Variants in EEIG2 observed in about 807,000 individuals in gnomAD.
EEIG2 encodes family with sequence similarity 102 member B.
At chr1:108,571,833 C>T in the EEIG2 span, among the ~76,000 whole-genome samples, 1 of 152,162 alleles carries the variant, frequency 6.6e-6, no homozygotes, top group Admixed American at 6.5e-5. Context: ...CAAACTTAAT[C>T]TTCATCCTCA....
At chr1:108,579,772 T>TGTGTGTGAGA in the EEIG2 span, among the ~76,000 whole-genome samples, 5 of 58,872 alleles carry the variant, frequency 8.5e-5, no homozygotes, top group African/African-American at 2.0e-4. Context: ...TGTGTGTGTG[T>TGTGTGTGAGA]GAGAGAGAGA....
At chr1:108,594,091 G>C in the EEIG2 span, among the ~76,000 whole-genome samples, 1 of 152,042 alleles carries the variant, frequency 6.6e-6, no homozygotes, top group African/African-American at 2.4e-5. Context: ...TACAAGCATT[G>C]AGCCACCGTG....
the EEIG2 span, among the ~76,000 whole-genome samples, chr1:108,569,532 C>T: frequency 6.6e-6 from 1 of 152,112 alleles, no homozygotes; most frequent in African/African-American, 2.4e-5. Context: ...TGCTATGTTG[C>T]CCAGGCTGGT....
At chr1:108,561,121 A>G in the EEIG2 span, among the ~76,000 whole-genome samples, 1 of 152,106 alleles carries the variant, frequency 6.6e-6, no homozygotes, top group Non-Finnish European at 1.5e-5. Flanking sequence ...CTAATGCTGG[A>G]TGAATTAGTC....
the EEIG2 span, among the ~76,000 whole-genome samples, chr1:108,572,976 T>G: frequency 6.6e-6 from 1 of 152,254 alleles, no homozygotes; most frequent in Non-Finnish European, 1.5e-5. Flanking sequence ...AGTAATTATC[T>G]GGATATACTA....
the EEIG2 span, among the ~76,000 whole-genome samples, chr1:108,579,761 G>A: frequency 6.9e-5 from 7 of 100,928 alleles, no homozygotes. Flanking sequence ...GTGTGTGTGT[G>A]TGTGTGTGTG....
the EEIG2 span, among the ~76,000 whole-genome samples, chr1:108,575,815 G>A: frequency 6.6e-6 from 1 of 152,216 alleles, no homozygotes; most frequent in African/African-American, 2.4e-5. Flanking sequence ...AGGGATTGGA[G>A]AGAAATGGGC....
chr1:108,590,020 C>A, the EEIG2 span, among the ~76,000 whole-genome samples: 1 of 151,982 alleles, frequency 6.6e-6, no homozygotes, highest in African/African-American at 2.4e-5. Context: ...TATCTGTCTG[C>A]CTCCTAGACA....
the EEIG2 span, among the ~76,000 whole-genome samples, chr1:108,570,907 G>A: frequency 6.6e-6 from 1 of 152,202 alleles, no homozygotes; most frequent in Non-Finnish European, 1.5e-5. Flanking sequence ...GAAAGATGCT[G>A]TGCAGAATTA....
the EEIG2 span, among the ~76,000 whole-genome samples, chr1:108,565,158 T>C: frequency 6.6e-6 from 1 of 152,194 alleles, no homozygotes; most frequent in Non-Finnish European, 1.5e-5. Context: ...TGTACGATTA[T>C]GGTGGTCTAT....
At chr1:108,635,190 T>A in the EEIG2 span, 2 of 1,610,836 alleles carry the variant, frequency 1.2e-6, no homozygotes, top group Non-Finnish European at 1.7e-6. Context: ...GGATTTAAGA[T>A]GTGAGTAGTT....
the EEIG2 span, among the ~76,000 whole-genome samples, chr1:108,570,249 C>A: frequency 2.0e-5 from 3 of 152,060 alleles, no homozygotes; most frequent in African/African-American, 7.2e-5. Flanking sequence ...ATAAAGGGAA[C>A]AGAAGACACA....
chr1:108,560,638 T>C, the EEIG2 span: 1 of 1,527,902 alleles, frequency 6.5e-7, no homozygotes, highest in Non-Finnish European at 8.8e-7. Flanking sequence ...CATCTCTCCT[T>C]GGCCCATTTG....
the EEIG2 span, among the ~76,000 whole-genome samples, chr1:108,586,003 C>T: frequency 6.6e-6 from 1 of 152,034 alleles, no homozygotes; most frequent in African/African-American, 2.4e-5. Context: ...TTATAGAGTT[C>T]CTTTTTGATA....
At chr1:108,560,104 GGGCGGCAGCGGCGGCGGAGGCGGC>G in the EEIG2 span, 1 of 175,938 alleles carries the variant, frequency 5.7e-6, no homozygotes, top group South Asian at 1.4e-4. Context: ...ACTCCCAGAC[GGGCGGCAGCGGCGGCGGAGGCGGC>G]GGCGGCGGCG....
chr1:108,563,523 C>A, the EEIG2 span, among the ~76,000 whole-genome samples: 1 of 152,098 alleles, frequency 6.6e-6, no homozygotes, highest in African/African-American at 2.4e-5. Flanking sequence ...TAATACTCAT[C>A]TTGCTACAGA....
the EEIG2 span, chr1:108,636,293 A>T: frequency 6.6e-6 from 1 of 152,340 alleles, no homozygotes; most frequent in East Asian, 1.9e-4. Context: ...TTCTGTTCTT[A>T]CATGACGGTT....
At chr1:108,579,772 T>TGTGTGTGTGAGAGAGAGAGA in the EEIG2 span, among the ~76,000 whole-genome samples, 25 of 58,866 alleles carry the variant, frequency 4.2e-4, no homozygotes, top group African/African-American at 1.4e-3. Flanking sequence ...TGTGTGTGTG[T>TGTGTGTGTGAGAGAGAGAGA]GAGAGAGAGA....
the EEIG2 span, among the ~76,000 whole-genome samples, chr1:108,595,550 GGAGGGAGA>G: frequency 7.3e-5 from 10 of 137,450 alleles, no homozygotes; most frequent in Admixed American, 2.2e-4. Context: ...TAGCTTTTAC[GGAGGGAGA>G]GAGGGAGAGA....
Sources: gnomAD v4.1 joint callset for allele counts (sites outside exome capture counted in the v4.1 genomes callset) on GRCh38, gnomAD v4.1.1 for gene constraint, MANE v1.5 for transcripts, NCBI Gene and HGNC (gene_info 2026-07-23, HGNC 2026-07-21) for gene names.